The following PDE7B variants were observed in gnomAD, a reference collection of about 807,000 sequenced individuals.
The protein encoded by PDE7B is phosphodiesterase 7B, also known as 3',5'-cyclic-AMP phosphodiesterase 7B.
PDE7B carries 29 observed loss-of-function variants against 56.2 expected under a neutral mutation model. The observed-to-expected ratio is 0.52, with a 90% CI of 0.38 to 0.70. The LOEUF is 0.70. Among genes scored for constraint, PDE7B ranks in the 30% least tolerant of loss-of-function variants. The pLI, the probability that PDE7B is intolerant of heterozygous loss-of-function variation, is 0.00. For missense variants in PDE7B, 490 were observed against 565.0 expected (o/e 0.87, Z 1.35); for synonymous variants, 197 against 196.9 (o/e 1.00, Z 0.00).
At chr6:136,009,259 C>G (rs1703383934) in intron 2 of PDE7B, among the ~76,000 whole-genome samples, 1 of 151,814 alleles carries the variant, frequency 6.6e-6, no homozygotes, top group Non-Finnish European at 1.5e-5. Context: ...AGTTTGAAGT[C>G]AGGTAGCATG....
chr6:136,011,155 CA>C, intron 2 of PDE7B, among the ~76,000 whole-genome samples: 1 of 152,054 alleles, frequency 6.6e-6, no homozygotes, highest in Non-Finnish European at 1.5e-5. Context: ...CCTTTCTCCC[CA>C]TCAAAAAAAC....
At chr6:135,947,873 A>G (rs890994450) in intron 2 of PDE7B, among the ~76,000 whole-genome samples, 3 of 152,088 alleles carry the variant, frequency 2.0e-5, no homozygotes, top group African/African-American at 7.2e-5. Context: ...AAGATAGACA[A>G]GTAAATTATT....
chr6:136,053,996 T>G lies in PDE7B; in HGVS notation c.83-54735T>G, dbSNP rs954713446. On this transcript the variant is annotated intron_variant, in intron 2 of 12. Transcript: ENST00000308191. Reference sequence around the variant, plus strand: ...GTAGATTGCAGAAATTTTCTCCCATTCTGTAGGTTGCCTGTTCACTCTGAT... The same window carrying G: ...GTAGATTGCAGAAATTTTCTCCCATGCTGTAGGTTGCCTGTTCACTCTGAT... Among the ~76,000 whole-genome samples, 11 of 152,326 alleles carry G rather than the reference T, an allele frequency of 7.2e-5. 1 individual carries two copies. The highest frequency in any genetic ancestry group is 2.2e-4 in the African/African-American group (9 of 41,570).
At chr6:136,044,152 C>T (rs796769167) in intron 2 of PDE7B, 12 of 152,318 alleles carry the variant, frequency 7.9e-5, no homozygotes, top group African/African-American at 2.9e-4. Flanking sequence ...CCTGAGATTA[C>T]TGAAGGAAAA....
intron 2 of PDE7B, among the ~76,000 whole-genome samples, chr6:136,005,149 A>G (rs1168696062): frequency 3.9e-5 from 6 of 152,242 alleles, no homozygotes; most frequent in Non-Finnish European, 8.8e-5. Flanking sequence ...CTGGCTAGCC[A>G]TATGTAGAAA....
At chr6:136,037,547 C>CT (rs1776343308) in intron 2 of PDE7B, 2 of 985,328 alleles carry the variant, frequency 2.0e-6, no homozygotes, top group African/African-American at 3.5e-5. Flanking sequence ...AGGTGCCCCC[C>CT]AACCCCCATC....
chr6:135,947,360 C>T, intron 1 of PDE7B, 104 bp from the exon 2 acceptor site: 2 of 914,194 alleles, frequency 2.2e-6, no homozygotes, highest in Middle Eastern at 2.1e-4. Context: ...CCAATGAAAA[C>T]AAAAGTAGAA....
At chr6:136,097,585 A>G (rs1777489168) in intron 2 of PDE7B, among the ~76,000 whole-genome samples, 2 of 152,134 alleles carry the variant, frequency 1.3e-5, no homozygotes, top group African/African-American at 4.8e-5. Flanking sequence ...TACTGCACCC[A>G]AAGTTGTTTT....
chr6:135,957,092 C>T (rs907154107), intron 2 of PDE7B, among the ~76,000 whole-genome samples: 1 of 151,984 alleles, frequency 6.6e-6, no homozygotes, highest in Admixed American at 6.6e-5. Flanking sequence ...CTTAAACCTG[C>T]GATTGTGAGA....
At chr6:136,039,353 G>A (rs1776378148) in intron 2 of PDE7B, among the ~76,000 whole-genome samples, 1 of 152,120 alleles carries the variant, frequency 6.6e-6, no homozygotes, top group African/African-American at 2.4e-5. Flanking sequence ...GAAAGTGGTG[G>A]GTTCACTTCA....
chr6:135,903,139 A>G (rs1030588995), intron 1 of PDE7B, among the ~76,000 whole-genome samples: 2 of 152,176 alleles, frequency 1.3e-5, no homozygotes, highest in African/African-American at 4.8e-5. Flanking sequence ...TGGAATAATG[A>G]CATGGGAACA....
chr6:135,922,102 A>T (rs553780343), intron 1 of PDE7B, among the ~76,000 whole-genome samples: 1 of 152,198 alleles, frequency 6.6e-6, no homozygotes, highest in South Asian at 2.1e-4. Flanking sequence ...CTTGCATCCA[A>T]GTTTTTACTA....
intron 3 of PDE7B, among the ~76,000 whole-genome samples, chr6:136,125,176 T>C (rs1364979023): frequency 6.6e-6 from 1 of 152,252 alleles, no homozygotes; most frequent in Non-Finnish European, 1.5e-5. Context: ...AACAACCTTT[T>C]ATCTTTTACT....
chr6:135,856,799 A>G (rs1220122821), intron 1 of PDE7B, among the ~76,000 whole-genome samples: 1 of 152,208 alleles, frequency 6.6e-6, no homozygotes, highest in Non-Finnish European at 1.5e-5. Context: ...TCTTGATACT[A>G]CTGTATAAAT....
At chr6:136,092,201 A>G (rs1777398575) in intron 2 of PDE7B, among the ~76,000 whole-genome samples, 1 of 152,224 alleles carries the variant, frequency 6.6e-6, no homozygotes, top group South Asian at 2.1e-4. Flanking sequence ...CATCTCCAAA[A>G]TAATTTTTCA....
chr6:136,090,906 C>T (rs955046036), intron 2 of PDE7B, among the ~76,000 whole-genome samples: 4 of 152,162 alleles, frequency 2.6e-5, no homozygotes, highest in African/African-American at 9.7e-5. Context: ...TCAAAATACT[C>T]TACAAGTCAA....
chr6:136,060,003 G>C (rs1459309978), intron 2 of PDE7B, among the ~76,000 whole-genome samples: 1 of 152,096 alleles, frequency 6.6e-6, no homozygotes, highest in Non-Finnish European at 1.5e-5. Flanking sequence ...TTGGAATTGA[G>C]GAACCAGGCA....
intron 1 of PDE7B, among the ~76,000 whole-genome samples, chr6:135,876,449 A>G (rs1190601420): frequency 6.6e-6 from 1 of 152,220 alleles, no homozygotes; most frequent in African/African-American, 2.4e-5. Flanking sequence ...TTCTTCTCCT[A>G]CATTTCATAT....
intron 2 of PDE7B, among the ~76,000 whole-genome samples, chr6:135,971,550 G>A (rs1461750461): frequency 6.6e-6 from 1 of 152,134 alleles, no homozygotes; most frequent in Non-Finnish European, 1.5e-5. Flanking sequence ...TGAAAGCTGT[G>A]ATATAGGAAC....
Sources: gnomAD v4.1 joint callset for allele counts (sites outside exome capture counted in the v4.1 genomes callset) on GRCh38, gnomAD v4.1.1 for gene constraint, MANE v1.5 for transcripts, NCBI Gene and HGNC (gene_info 2026-07-23, HGNC 2026-07-21) for gene names.